The following CNTN4 variants were observed in gnomAD, a reference collection of about 807,000 sequenced individuals.
The protein encoded by CNTN4 is contactin-4.
Under a neutral mutation model 122.5 loss-of-function variants are expected in CNTN4, and 77 were observed. The observed-to-expected ratio is 0.63, with a 90% CI of 0.52 to 0.76. CNTN4 has a LOEUF of 0.76. CNTN4 is among the 30% of genes least tolerant of loss of function. The probability of loss-of-function intolerance (pLI) is 0.00; values close to 1 mark genes in which losing one functional copy is unlikely to be tolerated. For missense variants in CNTN4, 1,256 were observed against 1,259.1 expected (o/e 1.00, Z 0.04); for synonymous variants, 512 against 447.0 (o/e 1.15, Z -1.83).
chr3:2,460,254 A>G (rs781377885), intron 3 of CNTN4, among the ~76,000 whole-genome samples: 1 of 152,036 alleles, frequency 6.6e-6, no homozygotes, highest in Non-Finnish European at 1.5e-5. Flanking sequence ...TTTGGTCATC[A>G]TTGTTTTTCA....
chr3:2,202,566 C>G (rs2038148583), intron 2 of CNTN4, among the ~76,000 whole-genome samples: 2 of 152,152 alleles, frequency 1.3e-5, no homozygotes, highest in African/African-American at 4.8e-5. Context: ...GTGATGGATT[C>G]TTTTACAGCC....
chr3:2,397,209 A>G (rs1471210871), intron 3 of CNTN4, among the ~76,000 whole-genome samples: 1 of 152,236 alleles, frequency 6.6e-6, no homozygotes, highest in Non-Finnish European at 1.5e-5. Flanking sequence ...AGATACATTC[A>G]GTATATGTTG....
intron 3 of CNTN4, among the ~76,000 whole-genome samples, chr3:2,411,775 T>G (rs996375225): frequency 6.6e-6 from 1 of 152,228 alleles, no homozygotes; most frequent in Non-Finnish European, 1.5e-5. Flanking sequence ...TTTGTGCCTT[T>G]TTGCTTTTAT....
chr3:2,872,289 TAGC>T (rs776119177), intron 8 of CNTN4, among the ~76,000 whole-genome samples: 1 of 152,208 alleles, frequency 6.6e-6, no homozygotes, highest in Non-Finnish European at 1.5e-5. Context: ...TGAAAAGAAT[TAGC>T]AGAGATTAGG....
chr3:2,893,669 AAAAG>A (rs2094071778), intron 10 of CNTN4, among the ~76,000 whole-genome samples: 1 of 152,194 alleles, frequency 6.6e-6, no homozygotes, highest in Non-Finnish European at 1.5e-5. Context: ...AGCCATGAAA[AAAAG>A]AGTCATATCA....
chr3:2,328,216 T>A (rs956932313), intron 2 of CNTN4, among the ~76,000 whole-genome samples: 2 of 151,978 alleles, frequency 1.3e-5, no homozygotes, highest in African/African-American at 2.4e-5. Flanking sequence ...CCATCCTGGC[T>A]AACACGGTGA....
At chr3:2,665,904 C>T (rs1006370767) in intron 4 of CNTN4, among the ~76,000 whole-genome samples, 6 of 152,070 alleles carry the variant, frequency 3.9e-5, no homozygotes, top group Non-Finnish European at 1.5e-5. Flanking sequence ...TGCCTTTTTT[C>T]GAAGGTTAGT....
intron 3 of CNTN4, among the ~76,000 whole-genome samples, chr3:2,474,155 C>A (rs2075773311): frequency 6.6e-6 from 1 of 151,986 alleles, no homozygotes; most frequent in Non-Finnish European, 1.5e-5. Context: ...GTTTAGATAC[C>A]CTTTCTATGC....
At chr3:2,442,428 A>G (rs2048474895) in intron 3 of CNTN4, among the ~76,000 whole-genome samples, 1 of 152,176 alleles carries the variant, frequency 6.6e-6, no homozygotes, top group East Asian at 1.9e-4. Flanking sequence ...TTGGCAAATG[A>G]GAAAATTATC....
intron 3 of CNTN4, among the ~76,000 whole-genome samples, chr3:2,567,140 A>T (rs957671301): frequency 2.8e-5 from 4 of 143,864 alleles, no homozygotes; most frequent in Admixed American, 7.4e-5. Context: ...GCTGGAGTGC[A>T]GTGATGCACG....
At chr3:2,329,399 A>G (rs2043623491) in intron 2 of CNTN4, among the ~76,000 whole-genome samples, 1 of 152,198 alleles carries the variant, frequency 6.6e-6, no homozygotes, top group Admixed American at 6.5e-5. Context: ...AAACGCCATT[A>G]TGTCACCCAC....
intron 2 of CNTN4, among the ~76,000 whole-genome samples, chr3:2,219,174 T>C (rs2038966057): frequency 6.6e-6 from 1 of 152,228 alleles, no homozygotes; most frequent in African/African-American, 2.4e-5. Flanking sequence ...ATGTTTACAG[T>C]AACTCTGGAG....
chr3:2,187,804 C>T (rs556270754), intron 2 of CNTN4, among the ~76,000 whole-genome samples: 13 of 152,232 alleles, frequency 8.5e-5, no homozygotes, highest in African/African-American at 3.1e-4. Context: ...CCATGATTAT[C>T]TGTTTTCTCT....
intron 2 of CNTN4, among the ~76,000 whole-genome samples, chr3:2,330,719 C>G (rs1696376134): frequency 6.6e-6 from 1 of 152,096 alleles, no homozygotes; most frequent in Non-Finnish European, 1.5e-5. Context: ...AATCATTACT[C>G]TATGCTGTAT....
At chr3:2,309,722 A>T (rs1023704083) in intron 2 of CNTN4, among the ~76,000 whole-genome samples, 1 of 152,156 alleles carries the variant, frequency 6.6e-6, no homozygotes, top group African/African-American at 2.4e-5. Flanking sequence ...CAATATTTTA[A>T]TGTTGACAAC....
At chr3:2,513,681 A>T (rs991403003) in intron 3 of CNTN4, among the ~76,000 whole-genome samples, 4 of 152,136 alleles carry the variant, frequency 2.6e-5, no homozygotes, top group Non-Finnish European at 5.9e-5. Context: ...AATCTCAGAG[A>T]GGTATTTGCA....
intron 3 of CNTN4, among the ~76,000 whole-genome samples, chr3:2,430,774 G>A (rs2048039394): frequency 6.6e-6 from 1 of 152,100 alleles, no homozygotes; most frequent in Admixed American, 6.6e-5. Flanking sequence ...TACATGTGTT[G>A]TTATTTTAGC....
At chr3:2,486,494 G>C (rs887851001) in intron 3 of CNTN4, among the ~76,000 whole-genome samples, 1 of 151,862 alleles carries the variant, frequency 6.6e-6, no homozygotes, top group African/African-American at 2.4e-5. Flanking sequence ...AAAAACAGTT[G>C]TTCACTAAAG....
chr3:3,009,020 A>C, intron 14 of CNTN4: 1 of 985,420 alleles, frequency 1.0e-6, no homozygotes, highest in Non-Finnish European at 1.2e-6. Context: ...TCTGCGGGCT[A>C]GAGGACAAGC....
Sources: allele counts gnomAD v4.1 joint callset (sites outside exome capture counted in the v4.1 genomes callset), GRCh38; gene constraint gnomAD v4.1.1; transcripts MANE v1.5; gene names NCBI Gene and HGNC (gene_info 2026-07-23, HGNC 2026-07-21).